SYT2: variants seen among roughly 807,000 people sequenced by gnomAD.
The protein encoded by SYT2 is synaptotagmin-2.
Under a neutral mutation model 39.9 loss-of-function variants are expected in SYT2, and 15 were observed. The observed-to-expected ratio is 0.38, with a 90% CI of 0.25 to 0.58. SYT2 has a LOEUF of 0.58. Among genes scored for constraint, SYT2 ranks in the 20% least tolerant of loss-of-function variants. The pLI is 0.70. For synonymous variants in SYT2, 181 were observed against 204.5 expected (o/e 0.89, Z 0.98); for missense variants, 389 against 530.3 (o/e 0.73, Z 2.62).
At chr1:202,632,661 C>T in intron 1 of SYT2, 3 of 894,604 alleles carry the variant, frequency 3.4e-6, no homozygotes, top group Non-Finnish European at 4.0e-6. Context: ...GAGACACAGA[C>T]CTGCCCCGGA....
rs1486402089 is a variant in SYT2 at position 202,614,118 on chromosome 1, C to A, written c.-17-8329G>T. ...ATGCAGGCCTTCTCTCCAGACTGAC[C>A]GTCCAGAAATGGTCCTGTAGCAAAG... On this transcript the variant is annotated intron_variant, in intron 1 of 8. Transcript: ENST00000367268. This position sits in a 1 kb window ranked among gnomAD's most constrained non-coding sequence, Gnocchi z 4.0. Among the ~76,000 whole-genome samples, 1 of 152,166 alleles carries A rather than the reference C, an allele frequency of 6.6e-6. No homozygotes were observed. The highest frequency in any genetic ancestry group is 2.4e-5 in the African/African-American group (1 of 41,438).
intron 1 of SYT2, among the ~76,000 whole-genome samples, chr1:202,617,039 A>G (rs979310613): frequency 2.0e-5 from 3 of 152,222 alleles, no homozygotes; most frequent in African/African-American, 7.2e-5. Context: ...GACAGGCCGA[A>G]AGCCCTAGCG....
intron 1 of SYT2, chr1:202,636,339 C>T (rs982138082): frequency 1.0e-6 from 1 of 985,196 alleles, no homozygotes; most frequent in Admixed American, 6.1e-5. Flanking sequence ...GAAAGCCCAA[C>T]ATGCCAGGAC....
At position 202,600,353 on chromosome 1, in the gene SYT2, G is replaced by C. The variant is rs200553744; in HGVS notation, c.919+4C>G. ...CCAATGGCAGCCAGAAGCTCTCCAC[G>C]TACCTGAAAGGCCGCCCACGTCCAT... On this transcript the variant is annotated splice_donor_region_variant and intron_variant, in intron 7 of 8. Transcript: ENST00000367268. 2 of 1,613,260 alleles carry C rather than the reference G, an allele frequency of 1.2e-6. No homozygotes were observed. The highest frequency in any genetic ancestry group is 1.7e-6 in the Non-Finnish European group (2 of 1,179,306).
rs112539720 is a variant in SYT2, at chr1:202,613,596, C to CGAA, written c.-17-7808_-17-7807insTTC. On this transcript the variant is annotated intron_variant, in intron 1 of 8. Transcript: ENST00000367268. ...TTTTTCCTGATCTTTGGGGGAAAAT[C>CGAA]TTTCAATCTTTCTTCATTTAATATA... Among the ~76,000 whole-genome samples the CGAA allele has an allele frequency of 5.2e-3, 790 of 152,270 alleles. 6 individuals carry two copies. The highest frequency in any genetic ancestry group is 0.018 in the African/African-American group (758 of 41,530).
At chr1:202,619,203 G>A (rs1208059596) in intron 1 of SYT2, among the ~76,000 whole-genome samples, 2 of 152,214 alleles carry the variant, frequency 1.3e-5, no homozygotes, top group African/African-American at 4.8e-5. Flanking sequence ...GCTGGGAGCT[G>A]CAGTCCCGGG....
chr1:202,701,583 G>T (rs761412556), intron 1 of SYT2, among the ~76,000 whole-genome samples: 19 of 152,300 alleles, frequency 1.2e-4, no homozygotes, highest in South Asian at 2.1e-4. Flanking sequence ...TGCTTAGCGG[G>T]TGTGTAGTGT....
rs1553333858 is a variant in SYT2 at position 202,596,302 on chromosome 1, C to CATACAT, written c.*454_*455insATGTAT. ...ACACACACACACACACACACACACA[C>CATACAT]ACACATACACACACACACACACACA... On this transcript the variant is annotated 3_prime_UTR_variant, in exon 9 of 9. Coordinates refer to ENST00000367268, the MANE Select transcript of SYT2 (RefSeq NM_177402.5). The CATACAT allele has an allele frequency of 2.2e-5, 1 of 45,154 alleles. No homozygotes were observed. Among genetic ancestry groups the CATACAT allele is most frequent in the South Asian group, 7.3e-4 (1 of 1,374 alleles). 2.8% of individuals were successfully genotyped at this position (45,154 alleles called of 1,614,324 possible).
At chr1:202,636,350 C>T (rs1558441671) in intron 1 of SYT2, 20 of 985,202 alleles carry the variant, frequency 2.0e-5, no homozygotes, top group Non-Finnish European at 2.4e-5. Context: ...ATGCCAGGAC[C>T]TCAGCCAGAA....
At chr1:202,621,279 G>T (rs1305339850) in intron 1 of SYT2, among the ~76,000 whole-genome samples, 1 of 152,092 alleles carries the variant, frequency 6.6e-6, no homozygotes, top group East Asian at 1.9e-4. Flanking sequence ...CAAATGAGGG[G>T]GGTTTGTGTG....
Position 202,596,907 on chromosome 1 carries a change from G to A in SYT2, c.1110C>T (p.Ala370=). ...TGCTGCCCACGAAGATCTTGCCTATGGCTTCGTTCTTGCCCAGCTTGTCAT... is the reference window on the plus strand; with the variant it reads ...TGCTGCCCACGAAGATCTTGCCTATAGCTTCGTTCTTGCCCAGCTTGTCAT... ...LDYDKLGKNE[A]IGKIFVGSNA... Residue 370 remains alanine (A), a synonymous_variant, in exon 9 of 9, where the codon GCC becomes GCT. Transcript: ENST00000367268. 2.5e-6 allele frequency: 4 copies of A among 1,614,224 alleles called. No individual in the cohort carries two copies. The highest frequency in any genetic ancestry group is 3.4e-6 in the Non-Finnish European group (4 of 1,180,052).
chr1:202,605,977 C>G (rs569389378), intron 1 of SYT2, among the ~76,000 whole-genome samples, 188 bp from the exon 2 acceptor site: 92 of 152,192 alleles, frequency 6.0e-4, no homozygotes, highest in African/African-American at 1.9e-3. Flanking sequence ...AGCAGCATAG[C>G]AAGACCCTAT....
intron 1 of SYT2, among the ~76,000 whole-genome samples, chr1:202,670,838 G>T (rs1011165225): frequency 6.6e-6 from 1 of 152,218 alleles, no homozygotes; most frequent in African/African-American, 2.4e-5. Flanking sequence ...ATCAATGTGG[G>T]CTCTGACTAA....
At chr1:202,667,856 G>C (rs1692510636) in intron 1 of SYT2, among the ~76,000 whole-genome samples, 1 of 152,052 alleles carries the variant, frequency 6.6e-6, no homozygotes, top group African/African-American at 2.4e-5. Flanking sequence ...GGGATTACAG[G>C]CACCTGCCAC....
At chr1:202,688,998 C>T (rs1653749022) in intron 1 of SYT2, among the ~76,000 whole-genome samples, 1 of 152,170 alleles carries the variant, frequency 6.6e-6, no homozygotes, top group Non-Finnish European at 1.5e-5. Context: ...CACGGAGCAG[C>T]TCCAACGGGC....
intron 1 of SYT2, among the ~76,000 whole-genome samples, chr1:202,666,077 A>C (rs186088705): frequency 6.7e-6 from 1 of 148,604 alleles, no homozygotes; most frequent in East Asian, 2.0e-4. Flanking sequence ...GGCGTGAACC[A>C]GGGAGGCGGA....
chr1:202,621,877 A>G (rs772519021), intron 1 of SYT2, among the ~76,000 whole-genome samples: 1 of 152,208 alleles, frequency 6.6e-6, no homozygotes, highest in Non-Finnish European at 1.5e-5. Flanking sequence ...TCCTGATGCC[A>G]CATCAAAGAT....
chr1:202,688,467 G>A (rs896463638), intron 1 of SYT2, among the ~76,000 whole-genome samples: 6 of 152,214 alleles, frequency 3.9e-5, no homozygotes, highest in East Asian at 1.9e-4. Context: ...AGGATACTCC[G>A]ATTCGGTCCC....
At chr1:202,668,084 T>C (rs1036048152) in intron 1 of SYT2, among the ~76,000 whole-genome samples, 3 of 152,150 alleles carry the variant, frequency 2.0e-5, no homozygotes, top group Non-Finnish European at 4.4e-5. Context: ...CACAAATAAA[T>C]GGAGAAGGAC....
Sources: gnomAD v4.1 joint callset for allele counts (sites outside exome capture counted in the v4.1 genomes callset) on GRCh38, gnomAD v4.1.1 for gene constraint, Gnocchi (gnomAD v3.1) non-coding constraint, MANE v1.5 for transcripts, NCBI Gene and HGNC (gene_info 2026-07-23, HGNC 2026-07-21) for gene names.